Variants in UNKL observed in about 807,000 individuals in gnomAD.
The protein encoded by UNKL is unk like zinc finger.
Under a neutral mutation model 78.0 loss-of-function variants are expected in UNKL, and 60 were observed. The observed-to-expected ratio is 0.77, with a 90% CI of 0.63 to 0.95. The LOEUF is 0.95. UNKL is among the 40% of genes least tolerant of loss of function. UNKL has a pLI of 0.00. For synonymous variants in UNKL, 608 were observed against 474.8 expected, an observed-to-expected ratio of 1.28 and a Z score of -3.65; for missense variants, 1,159 against 1,045.7, an observed-to-expected ratio of 1.11 and a Z score of -1.49.
intron 9 of UNKL, among the ~76,000 whole-genome samples, chr16:1,389,947 G>A (rs1283364715): frequency 6.6e-6 from 1 of 152,190 alleles, no homozygotes; most frequent in Non-Finnish European, 1.5e-5. Flanking sequence ...GGAACCACAG[G>A]TGTGAGCTAC....
chr16:1,414,436 G>T (rs953874635), intron 1 of UNKL, among the ~76,000 whole-genome samples, 179 bp downstream of exon 1: 1 of 151,818 alleles, frequency 6.6e-6, no homozygotes, highest in Admixed American at 6.6e-5. Context: ...CCAGACCATG[G>T]GCGCCGCGCT....
chr16:1,379,576 G>A, intron 10 of UNKL: 2 of 985,308 alleles, frequency 2.0e-6, no homozygotes. Context: ...CCTGACCGCC[G>A]AGTAACGAGA....
In UNKL at chr16:1,366,386, G is replaced by A; in HGVS notation, c.2056C>T (p.Gln686Ter). The change falls in exon 15 of 15, where the codon CAG (glutamine) becomes TAG (stop). Residue 686 changes from glutamine (Q) to a stop codon, truncating the protein, a stop_gained. Coordinates refer to ENST00000389221, the MANE Select transcript of UNKL (RefSeq NM_001372107.1). LOFTEE classifies it low-confidence loss of function (END_TRUNC). Reference protein sequence around the residue: ...DLEAVDGVIFQLRAKQCVACR... With the variant: ...DLEAVDGVIF ...GCCACACACTGCTTGGCGCGGAGCT[G>A]GAAGATCACCTGCAGGGCCAGAACA... The A allele has an allele frequency of 6.3e-7, 1 of 1,592,332 alleles. No homozygotes were observed. The highest frequency in any genetic ancestry group is 8.6e-7 in the Non-Finnish European group (1 of 1,167,084).
chr16:1,370,086 G>A (rs1389279834), intron 12 of UNKL, 44 bp downstream of exon 12: 53 of 1,545,736 alleles, frequency 3.4e-5, no homozygotes, highest in African/African-American at 5.5e-5. Flanking sequence ...GGAGCCCCAC[G>A]GAGGCTTCAC....
At position 1,403,376 on chromosome 16, in the gene UNKL, T is replaced by C; in HGVS notation, c.288-32A>G. 3 of 1,605,588 alleles carry C rather than the reference T, an allele frequency of 1.9e-6. No individual in the cohort carries two copies. Among genetic ancestry groups the C allele is most frequent in the Non-Finnish European group, 2.6e-6 (3 of 1,175,874 alleles). On this transcript the variant is annotated intron_variant, in intron 2 of 14. Coordinates refer to ENST00000389221, the MANE Select transcript of UNKL (RefSeq NM_001372107.1). This position sits in a 1 kb window ranked among gnomAD's most constrained non-coding sequence, Gnocchi z 4.8. ...AGCAGAGAGGCACGCAATGCCTGGT[T>C]ATCATGGACCCAGAGGCAGCCCTAA...
chr16:1,374,822 C>T (rs1175109794), intron 10 of UNKL, among the ~76,000 whole-genome samples: 2 of 152,148 alleles, frequency 1.3e-5, no homozygotes, highest in Non-Finnish European at 2.9e-5. Flanking sequence ...GCCAAGGGGC[C>T]GCAGAGGGAC....
Position 1,366,291 on chromosome 16 carries a change from C to G in UNKL, c.2151G>C (p.Ala717=). ...CQHHILCEPC[A]ATAPECPYCK... ...AGTAGGGGCACTCAGGTGCGGTGGC[C>G]GCACACGGCTCACAGAGGATGTGGT... The change falls in exon 15 of 15, where the codon GCG becomes GCC. Residue 717 remains alanine (A), a synonymous_variant. Coordinates refer to ENST00000389221, the MANE Select transcript of UNKL (RefSeq NM_001372107.1). The G allele has an allele frequency of 6.3e-7, 1 of 1,597,168 alleles. No individual in the cohort carries two copies. The highest frequency in any genetic ancestry group is 2.3e-5 in the East Asian group (1 of 44,032).
rs1295354042 is a variant in UNKL at position 1,363,861 on chromosome 16, C to G, written c.*2379G>C. ...AGGGGAGCAGGTGCCACCTCCATCT[C>G]CCAGCTGTCCCCCCACCCCTGGGGC... is the stretch of plus-strand genomic sequence containing the variant. On this transcript the variant is annotated 3_prime_UTR_variant, in exon 15 of 15. Transcript: ENST00000389221. 1 of 152,522 alleles carries G rather than the reference C, an allele frequency of 6.6e-6. No homozygotes were observed. The highest frequency in any genetic ancestry group is 1.5e-5 in the Non-Finnish European group (1 of 68,294). 9.4% of individuals were successfully genotyped at this position (152,522 alleles called of 1,614,324 possible).
rs763888568 is a variant in UNKL at position 1,406,006 on chromosome 16, C to A, written c.288-2662G>T. The stretch of plus-strand genomic sequence containing the variant: ...AGGAGGCCCGTGGCCCATGTGGTCC[C>A]CCCAGCTGGTGTGGACGAGGCCCGT... On this transcript the variant is annotated intron_variant, in intron 2 of 14. Coordinates refer to ENST00000389221, the MANE Select transcript of UNKL (RefSeq NM_001372107.1). 8.8e-6 allele frequency: 4 copies of A among 456,606 alleles called. No individual in the cohort carries two copies. The East Asian group carries it at 2.1e-4, about 24-fold the overall frequency. The allele number at this position is 456,606 out of a possible 1,614,324, so 28.3% of individuals were successfully genotyped here.
At chr16:1,400,091 C>T (rs912279026) in intron 4 of UNKL, among the ~76,000 whole-genome samples, 4 of 151,884 alleles carry the variant, frequency 2.6e-5, no homozygotes, top group Admixed American at 6.6e-5. Flanking sequence ...TGCTGTGAAC[C>T]GGAAACCGCT....
Position 1,370,137 on chromosome 16 carries a change from G to C in UNKL, c.1578C>G (p.Ser526Arg). The C allele has an allele frequency of 3.9e-6, 6 of 1,524,766 alleles. No homozygotes were observed. The highest frequency in any genetic ancestry group is 5.3e-6 in the Non-Finnish European group (6 of 1,131,898). The allele number at this position is 1,524,766 out of a possible 1,614,324, so 94.5% of individuals were successfully genotyped here. A position where few individuals can be genotyped will look rare whatever the true frequency, so the allele number is the denominator to read the frequency against. Residue 526 changes from serine to arginine, a missense_variant, in exon 12 of 15, where the codon AGC becomes AGG. Ser to Arg is a moderately radical substitution (Grantham distance 110). Coordinates refer to ENST00000389221, the MANE Select transcript of UNKL (RefSeq NM_001372107.1). ...GAGGGAGCCGGCACTCACCTAGGGG[G>C]CTGTAGGATGAGGCTGCAGAGCCCA... is the stretch of plus-strand genomic sequence containing the variant. ...GTLGSAASSY[S>R]PLGLNGVPGS...
chr16:1,379,023 C>CT (rs2036448865), intron 10 of UNKL: 1 of 152,266 alleles, frequency 6.6e-6, no homozygotes, highest in Non-Finnish European at 1.5e-5. Flanking sequence ...GCGAGTACAG[C>CT]TGGGTCAGGC....
Position 1,397,247 on chromosome 16 carries a change from G to A in UNKL, c.783C>T (p.Pro261=). The A allele has an allele frequency of 6.5e-7, 1 of 1,542,762 alleles. No individual in the cohort carries two copies. The highest frequency in any genetic ancestry group is 8.7e-7 in the Non-Finnish European group (1 of 1,146,908). The stretch of plus-strand genomic sequence containing the variant: ...AGCCGTCGCCGCCATCGCAGCGTGA[G>A]GGTTCCCCCCACTCATCCCCGTGCT... ...SVKHGDEWGE[P]SRCDGGDGCQ... is the part of the protein sequence containing the mutation. Residue 261 remains proline (P), a synonymous_variant, in exon 6 of 15, where the codon CCC becomes CCT. Coordinates refer to ENST00000389221, the MANE Select transcript of UNKL (RefSeq NM_001372107.1).
chr16:1,389,595 A>G (rs962500708), intron 9 of UNKL, among the ~76,000 whole-genome samples: 3 of 152,160 alleles, frequency 2.0e-5, no homozygotes, highest in Non-Finnish European at 4.4e-5. Context: ...AGAATCTGTA[A>G]AAACACAACA....
At chr16:1,409,855 C>T (rs898038887) in intron 2 of UNKL, among the ~76,000 whole-genome samples, 2 of 151,782 alleles carry the variant, frequency 1.3e-5, no homozygotes, top group Admixed American at 6.6e-5. Context: ...CCAAGGCTAG[C>T]GGATCACCTG....
chr16:1,384,188 C>T (rs915889689), intron 10 of UNKL, among the ~76,000 whole-genome samples: 2 of 152,112 alleles, frequency 1.3e-5, no homozygotes, highest in South Asian at 2.1e-4. Flanking sequence ...AAGCCCTGCA[C>T]GGGTGTGGCC....
At position 1,398,739 on chromosome 16, in the gene UNKL, C is replaced by A. The variant is rs570745056; in HGVS notation, c.734+635G>T. On this transcript the variant is annotated intron_variant, in intron 5 of 14. Coordinates refer to ENST00000389221, the MANE Select transcript of UNKL (RefSeq NM_001372107.1). ...GACAGGAGGCAAGCCAGGCCAGGCA[C>A]AACCAGAAGGCCGGGCTGGAGCAAG... 2.6e-6 allele frequency: 4 copies of A among 1,518,974 alleles called. No homozygotes were observed. In the Admixed American group the frequency reaches 8.0e-5, roughly 31 times the overall value. The allele number at this position is 1,518,974 out of a possible 1,614,324, so 94.1% of individuals were successfully genotyped here.
In UNKL at chr16:1,369,346, C is replaced by T. The variant is rs557778501; in HGVS notation, c.1585+784G>A. Among the ~76,000 whole-genome samples the T allele has an allele frequency of 3.6e-4, 55 of 151,224 alleles. 1 individual carries two copies. Among genetic ancestry groups the T allele is most frequent in the African/African-American group, 1.1e-3 (46 of 41,248 alleles). ...GCGCCCCAAGTGCTGGGATGACAGG[C>T]GTGAGCCACCACGCCGGGCCTTTTT... On this transcript the variant is annotated intron_variant, in intron 12 of 14. Transcript: ENST00000389221.
In UNKL at chr16:1,365,922, G is replaced by T; in HGVS notation, c.*318C>A. ...TAGTGTCAGGACCACAAACTGCTGT[G>T]ATCACAGCGCCGCGTGGATCCCGGA... On this transcript the variant is annotated 3_prime_UTR_variant, in exon 15 of 15. Transcript: ENST00000389221. 4.2e-6 allele frequency: 1 copy of T among 236,652 alleles called. No individual in the cohort carries two copies. 14.7% of individuals were successfully genotyped at this position (236,652 alleles called of 1,614,324 possible).
Sources: gnomAD v4.1 joint callset for allele counts (sites outside exome capture counted in the v4.1 genomes callset) on GRCh38, gnomAD v4.1.1 for gene constraint, Gnocchi (gnomAD v3.1) non-coding constraint, MANE v1.5 for transcripts, NCBI Gene and HGNC (gene_info 2026-07-23, HGNC 2026-07-21) for gene names.